The following PDSS1 variants were observed in gnomAD, a reference collection of about 807,000 sequenced individuals.
PDSS1 encodes the protein all trans-polyprenyl-diphosphate synthase PDSS1.
A neutral mutation model predicts 57.5 loss-of-function variants in PDSS1; 43 were observed. The ratio of observed to expected loss-of-function variants is 0.75; its 90% CI spans 0.59 to 0.96. The LOEUF is 0.96. Among genes scored for constraint, PDSS1 ranks in the 50% least tolerant of loss-of-function variants. The pLI is 0.00. For synonymous variants in PDSS1, 175 were observed against 191.3 expected, an observed-to-expected ratio of 0.91 and a Z score of 0.70; for missense variants, 438 against 527.8, an observed-to-expected ratio of 0.83 and a Z score of 1.67.
intron 4 of PDSS1, among the ~76,000 whole-genome samples, chr10:26,706,609 C>T (rs553518088): frequency 6.6e-6 from 1 of 152,326 alleles, no homozygotes; most frequent in African/African-American, 2.4e-5. Flanking sequence ...TCTTCACCTG[C>T]ATTTTTAAAA....
intron 5 of PDSS1, chr10:26,714,732 G>T (rs1174784133): frequency 2.6e-5 from 4 of 152,170 alleles, no homozygotes; most frequent in African/African-American, 9.7e-5. Flanking sequence ...AAATTGTGCT[G>T]TACAGAGATC....
At chr10:26,727,776 G>A (rs75078757) in intron 8 of PDSS1, among the ~76,000 whole-genome samples, 3,870 of 152,192 alleles carry the variant, frequency 0.025, 66 homozygotes, top group Non-Finnish European at 0.039. Context: ...CCAGCATCCA[G>A]TCCAGGATTT....
rs535034293 is a variant in PDSS1, at chr10:26,712,502, G to A, written c.467+2734G>A. 3.0e-5 allele frequency among the ~76,000 whole-genome samples: 3 copies of A among 99,358 alleles called. 1 individual carries two copies. The highest frequency in any genetic ancestry group is 6.5e-5 in the African/African-American group (2 of 30,620). 65.2% of individuals were successfully genotyped at this position (99,358 alleles called of 152,430 possible). A position where few individuals can be genotyped will look rare whatever the true frequency, so the allele number is the denominator to read the frequency against. ...AGGAAAGTCACAGTGCAGAGACAGCGTCCGGCATGGGGACAAGTCACGGTT... is the reference window on the plus strand; with the variant it reads ...AGGAAAGTCACAGTGCAGAGACAGCATCCGGCATGGGGACAAGTCACGGTT... On this transcript the variant is annotated intron_variant, in intron 5 of 11. Transcript: ENST00000376215.
At position 26,704,659 on chromosome 10, in the gene PDSS1, GA is replaced by G. The variant is rs772313668; in HGVS notation, c.163-17del. On this transcript the variant is annotated splice_polypyrimidine_tract_variant and intron_variant, in intron 2 of 11. Coordinates refer to ENST00000376215, the MANE Select transcript of PDSS1 (RefSeq NM_014317.5). ...TCAGGAATATTCTTACAAGTTTCTT[GA>G]CATTTTTATTTTATAGATACCCTAT... The G allele has an allele frequency of 9.6e-7, 1 of 1,047,084 alleles. No individual in the cohort carries two copies. Among genetic ancestry groups the G allele is most frequent in the Non-Finnish European group, 1.5e-6 (1 of 669,150 alleles). 64.9% of individuals were successfully genotyped at this position (1,047,084 alleles called of 1,614,324 possible).
chr10:26,704,412 G>T (rs1835145466), intron 2 of PDSS1, among the ~76,000 whole-genome samples: 1 of 151,928 alleles, frequency 6.6e-6, no homozygotes, highest in African/African-American at 2.4e-5. Context: ...AGATAGATAT[G>T]AATATGGAAA....
chr10:26,731,318 G>A (rs1272041166), intron 8 of PDSS1, among the ~76,000 whole-genome samples: 1 of 152,128 alleles, frequency 6.6e-6, no homozygotes, highest in African/African-American at 2.4e-5. Context: ...TCCAGCATGG[G>A]CGACAAAGTG....
intron 5 of PDSS1, among the ~76,000 whole-genome samples, chr10:26,717,057 C>T (rs1316887767): frequency 6.6e-6 from 1 of 152,112 alleles, no homozygotes; most frequent in Non-Finnish European, 1.5e-5. Context: ...CAGATGTAAG[C>T]TGACACACAC....
intron 1 of PDSS1, 129 bp downstream of exon 1, chr10:26,697,969 AGCTCC>A: frequency 2.2e-6 from 2 of 889,010 alleles, no homozygotes; most frequent in Non-Finnish European, 2.9e-6. Context: ...GCTCCGGGGT[AGCTCC>A]GGGGTGGGAC....
intron 1 of PDSS1, among the ~76,000 whole-genome samples, chr10:26,699,540 G>A (rs975737012): frequency 1.7e-4 from 26 of 151,814 alleles, no homozygotes; most frequent in Admixed American, 1.6e-3. Context: ...GATTACAGGC[G>A]TACACCACGA....
At position 26,728,603 on chromosome 10, in the gene PDSS1, G is replaced by A. The variant is rs895252810; in HGVS notation, c.831+4480G>A. Among the ~76,000 whole-genome samples, 4 of 152,028 alleles carry A rather than the reference G, an allele frequency of 2.6e-5. No individual in the cohort carries two copies. The South Asian group carries it at 8.3e-4, about 32-fold the overall frequency. On this transcript the variant is annotated intron_variant, in intron 8 of 11. Transcript: ENST00000376215. The stretch of plus-strand genomic sequence containing the variant: ...AATATTATTCTGATGGTTGTCAAAT[G>A]GCTGTTTTTCTATTTTCATCATTTC...
At chr10:26,730,624 T>TA (rs113298880) in intron 8 of PDSS1, among the ~76,000 whole-genome samples, 7 of 151,144 alleles carry the variant, frequency 4.6e-5, no homozygotes, top group East Asian at 2.0e-4. Context: ...ATAATAATAA[T>TA]AAAAAAAATA....
chr10:26,731,550 G>T (rs1309409480), intron 8 of PDSS1, among the ~76,000 whole-genome samples: 1 of 152,098 alleles, frequency 6.6e-6, no homozygotes, highest in Non-Finnish European at 1.5e-5. Context: ...GGTGAATTTA[G>T]GGGTAATTGC....
At chr10:26,710,268 C>T (rs1192533836) in intron 5 of PDSS1, among the ~76,000 whole-genome samples, 1 of 84,158 alleles carries the variant, frequency 1.2e-5, no homozygotes. Context: ...TTTTTTGAGA[C>T]GGAGTCTTGC....
chr10:26,704,755 C>A lies in PDSS1; in HGVS notation c.227+14C>A, dbSNP rs754407438. 7.6e-7 allele frequency: 1 copy of A among 1,310,910 alleles called. No individual in the cohort carries two copies. 81.2% of individuals were successfully genotyped at this position (1,310,910 alleles called of 1,614,324 possible). ...TCGTATATCACGGTAAGTTTACAGTCCATACTGCAACTACTAAAATTATCC... is the reference window on the plus strand; with the variant it reads ...TCGTATATCACGGTAAGTTTACAGTACATACTGCAACTACTAAAATTATCC... On this transcript the variant is annotated intron_variant, in intron 3 of 11. Coordinates refer to ENST00000376215, the MANE Select transcript of PDSS1 (RefSeq NM_014317.5).
At chr10:26,707,319 C>G (rs1384781875) in intron 4 of PDSS1, among the ~76,000 whole-genome samples, 1 of 152,192 alleles carries the variant, frequency 6.6e-6, no homozygotes, top group Non-Finnish European at 1.5e-5. Context: ...AAGCTGATCA[C>G]CAGTTTCAGG....
chr10:26,720,362 A>T lies in PDSS1; in HGVS notation c.609+3A>T. On this transcript the variant is annotated splice_donor_region_variant and intron_variant, in intron 6 of 11. Transcript: ENST00000376215. ...ATAAGATCTGGGGTGAAAAGAAGGT[A>T]TGGTTTTTTGGTTTTTTTAAAATCT... The T allele has an allele frequency of 6.2e-7, 1 of 1,604,722 alleles. No homozygotes were observed. Among genetic ancestry groups the T allele is most frequent in the Middle Eastern group, 1.7e-4 (1 of 6,056 alleles).
At chr10:26,707,132 T>C (rs537322930) in intron 4 of PDSS1, among the ~76,000 whole-genome samples, 18 of 152,268 alleles carry the variant, frequency 1.2e-4, no homozygotes, top group African/African-American at 3.6e-4. Flanking sequence ...CCCGCCAGTG[T>C]TGGGGAGGGG....
chr10:26,730,846 C>T (rs1479719783), intron 8 of PDSS1, among the ~76,000 whole-genome samples: 2 of 152,172 alleles, frequency 1.3e-5, no homozygotes, highest in African/African-American at 4.8e-5. Context: ...GACTACTCTG[C>T]TTTCCTTTTG....
In PDSS1 at chr10:26,723,791, C is replaced by T. The variant is rs1564427360; in HGVS notation, c.610-15C>T. 1 of 1,553,302 alleles carries T rather than the reference C, an allele frequency of 6.4e-7. No individual in the cohort carries two copies. The highest frequency in any genetic ancestry group is 8.9e-7 in the Non-Finnish European group (1 of 1,124,504). ...ATTTTTCAGAACGTTCTGTTTTCCCCCTGTCTTTTTCTAGGCTGTTCTTGC... is the reference window on the plus strand; with the variant it reads ...ATTTTTCAGAACGTTCTGTTTTCCCTCTGTCTTTTTCTAGGCTGTTCTTGC... On this transcript the variant is annotated splice_polypyrimidine_tract_variant and intron_variant, in intron 6 of 11. Coordinates refer to ENST00000376215, the MANE Select transcript of PDSS1 (RefSeq NM_014317.5).
Sources: gnomAD v4.1 joint callset for allele counts (sites outside exome capture counted in the v4.1 genomes callset) on GRCh38, gnomAD v4.1.1 for gene constraint, MANE v1.5 for transcripts, NCBI Gene and HGNC (gene_info 2026-07-23, HGNC 2026-07-21) for gene names.